Variants in SH3RF3 observed in about 807,000 individuals in gnomAD.
SH3RF3 encodes SH3 domain containing ring finger 3.
In SH3RF3, 29 loss-of-function variants were observed where a neutral mutation model predicts 66.3. The observed-to-expected ratio is 0.44, with a 90% CI of 0.33 to 0.60. The LOEUF (loss-of-function observed/expected upper bound fraction) is 0.60, where lower values mean the gene tolerates loss of function less well. Ranked by LOEUF, SH3RF3 falls within the 20% of genes least tolerant of loss-of-function variation. The pLI is 0.04. For synonymous variants in SH3RF3, 583 were observed against 532.0 expected (o/e 1.10, Z -1.32); for missense variants, 1,194 against 1,190.9 (o/e 1.00, Z -0.04).
rs1258094821 is a variant in SH3RF3 at position 109,129,676 on chromosome 2, A to G, written c.136A>G (p.Met46Val). The G allele has an allele frequency of 6.6e-7, 1 of 1,523,036 alleles. No homozygotes were observed. Among genetic ancestry groups the G allele is most frequent in the Admixed American group, 2.0e-5 (1 of 49,348 alleles). The allele number at this position is 1,523,036 out of a possible 1,614,324, so 94.3% of individuals were successfully genotyped here. A position where few individuals can be genotyped will look rare whatever the true frequency, so the allele number is the denominator to read the frequency against. Residue 46 changes from methionine (M) to valine (V), a missense_variant, in exon 1 of 10, where the codon ATG becomes GTG. Physicochemically the swap from Met to Val is conservative, Grantham distance 21 (BLOSUM62 1). Coordinates refer to ENST00000309415, the MANE Select transcript of SH3RF3 (RefSeq NM_001099289.3). Reference sequence around the variant, plus strand: ...CACCGCCGCGGGGGCGGGCGAGGACATGGACGAGTCGTCGCTGCTGGACCT... The same window carrying G: ...CACCGCCGCGGGGGCGGGCGAGGACGTGGACGAGTCGTCGCTGCTGGACCT... ...AATAAGAGED[M>V]DESSLLDLLE...
At chr2:109,401,505 G>GT (rs35200713) in intron 4 of SH3RF3, among the ~76,000 whole-genome samples, 46,769 of 152,130 alleles carry the variant, frequency 0.31, 8,535 homozygotes, top group Non-Finnish European at 0.41. Flanking sequence ...TGCCAGGCCA[G>GT]TGCCTATCCT....
At chr2:109,354,722 C>T (rs1003966533) in intron 2 of SH3RF3, among the ~76,000 whole-genome samples, 3 of 152,254 alleles carry the variant, frequency 2.0e-5, no homozygotes, top group Non-Finnish European at 2.9e-5. Context: ...GGAAGGCGAG[C>T]GTCGGCACCC....
Position 109,490,806 on chromosome 2 carries a change from G to C in SH3RF3, c.2350G>C (p.Gly784Arg). 2 of 1,536,988 alleles carry C rather than the reference G, an allele frequency of 1.3e-6. No homozygotes were observed. The highest frequency in any genetic ancestry group is 1.7e-6 in the Non-Finnish European group (2 of 1,146,810). ...CTGCCCCATAGAGAGCGAGATGCAGGGTGCCATGGGGATGGAGCCTCTGCA... is the reference window on the plus strand; with the variant it reads ...CTGCCCCATAGAGAGCGAGATGCAGCGTGCCATGGGGATGGAGCCTCTGCA... ...GSCPIESEMQ[G>R]AMGMEPLHRK... Residue 784 changes from glycine (G) to arginine (R), a missense_variant, in exon 9 of 10, where the codon GGT becomes CGT. Physicochemically the swap from Gly to Arg is moderately radical, Grantham distance 125 (BLOSUM62 -2). Transcript: ENST00000309415.
chr2:109,279,138 A>G (rs947756510), intron 1 of SH3RF3, among the ~76,000 whole-genome samples: 5 of 152,090 alleles, frequency 3.3e-5, no homozygotes, highest in African/African-American at 1.2e-4. Flanking sequence ...CATCCATGGG[A>G]TATTGAGTAG....
intron 1 of SH3RF3, among the ~76,000 whole-genome samples, chr2:109,152,735 G>A (rs764293910): frequency 1.3e-5 from 2 of 152,206 alleles, no homozygotes; most frequent in Non-Finnish European, 2.9e-5. Context: ...AACTTGAGTA[G>A]GCATGGGCAG....
intron 1 of SH3RF3, among the ~76,000 whole-genome samples, chr2:109,217,798 C>T (rs1236612137): frequency 6.6e-6 from 1 of 152,224 alleles, no homozygotes; most frequent in African/African-American, 2.4e-5. Context: ...GCTGGCCTGG[C>T]TGTGGTGCTG....
intron 2 of SH3RF3, among the ~76,000 whole-genome samples, chr2:109,355,685 G>A (rs1426460346): frequency 6.6e-6 from 1 of 152,216 alleles, no homozygotes; most frequent in Non-Finnish European, 1.5e-5. Context: ...GTGTGCATCT[G>A]TTGGGAAACA....
At chr2:109,396,827 C>T (rs1676161374) in intron 3 of SH3RF3, among the ~76,000 whole-genome samples, 1 of 152,230 alleles carries the variant, frequency 6.6e-6, no homozygotes. Context: ...CGTGACTCTG[C>T]CCCAGGTAGC....
At chr2:109,414,474 G>A (rs1676672237) in intron 4 of SH3RF3, among the ~76,000 whole-genome samples, 2 of 152,268 alleles carry the variant, frequency 1.3e-5, no homozygotes, top group South Asian at 2.1e-4. Flanking sequence ...CATGGTCAGA[G>A]CAGAAGTTCA....
chr2:109,360,446 T>C (rs1303612338), intron 2 of SH3RF3, among the ~76,000 whole-genome samples: 1 of 152,236 alleles, frequency 6.6e-6, no homozygotes, highest in East Asian at 1.9e-4. Flanking sequence ...TAAAATGTTG[T>C]ATAAAATTAC....
At chr2:109,336,824 G>A (rs1001293198) in intron 1 of SH3RF3, among the ~76,000 whole-genome samples, 21 of 152,154 alleles carry the variant, frequency 1.4e-4, no homozygotes, top group Admixed American at 2.0e-4. Context: ...ATGGGGTGCC[G>A]AGGGACCCTC....
intron 3 of SH3RF3, among the ~76,000 whole-genome samples, chr2:109,384,043 G>A (rs1675761234): frequency 6.6e-6 from 1 of 152,182 alleles, no homozygotes. Flanking sequence ...TCCATCAGAG[G>A]ACCACTTGCT....
intron 9 of SH3RF3, among the ~76,000 whole-genome samples, chr2:109,493,481 A>AC (rs1208489652): frequency 1.3e-5 from 2 of 151,466 alleles, no homozygotes; most frequent in Non-Finnish European, 2.9e-5. Context: ...ACAAACACAT[A>AC]CCCCACATAC....
At chr2:109,149,052 T>C (rs1032118944) in intron 1 of SH3RF3, among the ~76,000 whole-genome samples, 1 of 152,208 alleles carries the variant, frequency 6.6e-6, no homozygotes, top group Non-Finnish European at 1.5e-5. Context: ...ATTTGCTCTT[T>C]CCTTCCTTCA....
intron 8 of SH3RF3, among the ~76,000 whole-genome samples, chr2:109,468,128 G>T (rs112893492): frequency 6.6e-6 from 1 of 152,314 alleles, no homozygotes; most frequent in South Asian, 2.1e-4. Flanking sequence ...AAAACGCGTC[G>T]TTTGGTGATT....
chr2:109,222,043 C>T (rs907146934), intron 1 of SH3RF3, among the ~76,000 whole-genome samples: 4 of 151,466 alleles, frequency 2.6e-5, no homozygotes, highest in African/African-American at 9.7e-5. Context: ...ATGTCATTTG[C>T]AGCAACATGG....
At chr2:109,489,897 T>C (rs978171547) in intron 8 of SH3RF3, among the ~76,000 whole-genome samples, 4 of 152,204 alleles carry the variant, frequency 2.6e-5, no homozygotes, top group Admixed American at 6.5e-5. Flanking sequence ...GCCACCACAC[T>C]CAGCTAATTT....
chr2:109,420,957 T>G (rs1056967912), intron 5 of SH3RF3, among the ~76,000 whole-genome samples: 1 of 152,174 alleles, frequency 6.6e-6, no homozygotes, highest in Non-Finnish European at 1.5e-5. Flanking sequence ...GTACCTATTT[T>G]TTACCTAGCT....
intron 3 of SH3RF3, among the ~76,000 whole-genome samples, chr2:109,397,017 T>C (rs1296101972): frequency 6.6e-6 from 1 of 152,212 alleles, no homozygotes. Context: ...GTGGCCTACC[T>C]GCAGTTTTCG....
Sources: allele counts gnomAD v4.1 joint callset (sites outside exome capture counted in the v4.1 genomes callset), GRCh38; gene constraint gnomAD v4.1.1; transcripts MANE v1.5; gene names NCBI Gene and HGNC (gene_info 2026-07-23, HGNC 2026-07-21).